PPHLN1: variants seen among roughly 807,000 people sequenced by gnomAD.
PPHLN1 encodes the protein periphilin 1.
A neutral mutation model predicts 51.3 loss-of-function variants in PPHLN1; 29 were observed. The observed-to-expected ratio is 0.57, with a 90% CI of 0.42 to 0.77. PPHLN1 has a LOEUF of 0.77. Among genes scored for constraint, PPHLN1 ranks in the 30% least tolerant of loss-of-function variants. The pLI, the probability that PPHLN1 is intolerant of heterozygous loss-of-function variation, is 0.00. For missense variants in PPHLN1, 436 were observed against 438.4 expected, an observed-to-expected ratio of 0.99 and a Z score of 0.05; for synonymous variants, 147 against 147.8, an observed-to-expected ratio of 0.99 and a Z score of 0.04.
chr12:42,389,026 C>G (rs894116820), intron 7 of PPHLN1, among the ~76,000 whole-genome samples: 14 of 152,110 alleles, frequency 9.2e-5, no homozygotes, highest in African/African-American at 3.4e-4. Context: ...ATCATGAGGT[C>G]AGGAGGTCGA....
chr12:42,375,226 A>G, intron 5 of PPHLN1, 152 bp downstream of exon 5: 1 of 591,442 alleles, frequency 1.7e-6, no homozygotes, highest in Non-Finnish European at 2.9e-6. Context: ...AGAATAGTAT[A>G]ACAAACACCA....
chr12:42,352,968 A>G (rs2073568146), intron 3 of PPHLN1, among the ~76,000 whole-genome samples: 1 of 152,002 alleles, frequency 6.6e-6, no homozygotes, highest in African/African-American at 2.4e-5. Flanking sequence ...GGGTGCCTGT[A>G]ATCCCAGCTA....
intron 9 of PPHLN1, among the ~76,000 whole-genome samples, chr12:42,404,754 G>T (rs1257841973): frequency 6.6e-6 from 1 of 152,132 alleles, no homozygotes; most frequent in East Asian, 1.9e-4. Context: ...TTGCAGCCGG[G>T]TATGGTGGCT....
intron 1 of PPHLN1, among the ~76,000 whole-genome samples, chr12:42,334,980 T>G (rs2070368853): frequency 6.6e-6 from 1 of 152,232 alleles, no homozygotes; most frequent in African/African-American, 2.4e-5. Flanking sequence ...AATATTTGTC[T>G]GATCTTTTGA....
chr12:42,442,732 T>C (rs143861840), downstream of PPHLN1: 14 of 1,613,198 alleles, frequency 8.7e-6, no homozygotes, highest in East Asian at 2.2e-4. Context: ...GCGAAGAGAC[T>C]GCGCAGTCAG....
downstream of PPHLN1, chr12:42,446,134 G>C (rs2083307936): frequency 6.3e-7 from 1 of 1,578,052 alleles, no homozygotes; most frequent in South Asian, 1.1e-5. Flanking sequence ...GGACGACACA[G>C]CTTCGTCGGA....
intron 4 of PPHLN1, among the ~76,000 whole-genome samples, chr12:42,369,465 A>G (rs2138648723): frequency 6.6e-6 from 1 of 152,244 alleles, no homozygotes; most frequent in African/African-American, 2.4e-5. Flanking sequence ...CAAACCTTTT[A>G]CTGGTTTAAT....
At chr12:42,400,792 T>A (rs1437361405) in intron 9 of PPHLN1, among the ~76,000 whole-genome samples, 6 of 134,402 alleles carry the variant, frequency 4.5e-5, no homozygotes, top group African/African-American at 1.7e-4. Context: ...TCTCTCTCTC[T>A]CTCTTTCACA....
chr12:42,415,399 CTGACCTCA>C (rs2080280793), intron 9 of PPHLN1, among the ~76,000 whole-genome samples: 1 of 152,202 alleles, frequency 6.6e-6, no homozygotes. Flanking sequence ...CTTGGAACTC[CTGACCTCA>C]TGATTCACCC....
chr12:42,406,848 G>A (rs911043263), intron 9 of PPHLN1, among the ~76,000 whole-genome samples: 1 of 151,894 alleles, frequency 6.6e-6, no homozygotes, highest in African/African-American at 2.4e-5. Flanking sequence ...TTTACATTGA[G>A]TTATAGTCAT....
At chr12:42,354,399 G>C (rs2073799370) in intron 3 of PPHLN1, among the ~76,000 whole-genome samples, 1 of 151,566 alleles carries the variant, frequency 6.6e-6, no homozygotes, top group South Asian at 2.1e-4. Context: ...TTGTAGAGAT[G>C]GGGTTTCACC....
At chr12:42,351,738 GTTATAT>G in intron 2 of PPHLN1, 141 bp from the exon 3 acceptor site, 1 of 548,100 alleles carries the variant, frequency 1.8e-6, no homozygotes, top group Non-Finnish European at 2.9e-6. Flanking sequence ...CTTAGTATTA[GTTATAT>G]TTATGTTATT....
chr12:42,383,983 CAAAAA>C (rs61016692), intron 5 of PPHLN1, among the ~76,000 whole-genome samples: 36 of 51,630 alleles, frequency 7.0e-4, no homozygotes, highest in Admixed American at 1.3e-3. Context: ...GACTGTGTCT[CAAAAA>C]AAAAAAAAAA....
At chr12:42,440,616 A>G (rs1158068168) in intron 9 of PPHLN1, among the ~76,000 whole-genome samples, 1 of 152,248 alleles carries the variant, frequency 6.6e-6, no homozygotes, top group African/African-American at 2.4e-5. Context: ...CCAAATCAGA[A>G]TGTCTGCAGG....
intron 2 of PPHLN1, among the ~76,000 whole-genome samples, chr12:42,344,564 A>G (rs908254182): frequency 1.3e-5 from 2 of 152,202 alleles, no homozygotes; most frequent in East Asian, 1.9e-4. Flanking sequence ...TTACTTTTAT[A>G]TTAATACTTT....
chr12:42,388,126 C>T (rs940668368), intron 7 of PPHLN1, among the ~76,000 whole-genome samples: 5 of 152,116 alleles, frequency 3.3e-5, no homozygotes, highest in Non-Finnish European at 5.9e-5. Context: ...ATCCCCCAGC[C>T]CAACACCCGT....
intron 8 of PPHLN1, among the ~76,000 whole-genome samples, chr12:42,395,559 C>T (rs554946082): frequency 1.3e-5 from 2 of 152,224 alleles, no homozygotes; most frequent in South Asian, 4.1e-4. Context: ...AATAGTTACT[C>T]ATTTCAGTGG....
In PPHLN1 at chr12:42,441,804, G is replaced by C; in HGVS notation, c.*295G>C. The C allele has an allele frequency of 9.0e-7, 1 of 1,105,570 alleles. No homozygotes were observed. Among genetic ancestry groups the C allele is most frequent in the East Asian group, 5.6e-5 (1 of 17,844 alleles). 68.5% of individuals were successfully genotyped at this position (1,105,570 alleles called of 1,614,324 possible). A position where few individuals can be genotyped will look rare whatever the true frequency, so the allele number is the denominator to read the frequency against. The stretch of plus-strand genomic sequence containing the variant: ...CAAAGTGTTGAGATTACAGGCGTGA[G>C]CCACCGCTCCCTGCCCAACACATAT... On this transcript the variant is annotated 3_prime_UTR_variant, in exon 10 of 10. Transcript: ENST00000358314.
intron 1 of PPHLN1, among the ~76,000 whole-genome samples, chr12:42,331,413 G>T (rs2069712702): frequency 6.6e-6 from 1 of 152,136 alleles, no homozygotes; most frequent in African/African-American, 2.4e-5. Context: ...TTTGACAGAA[G>T]GATATTGCCT....
Sources: gnomAD v4.1 joint callset for allele counts (sites outside exome capture counted in the v4.1 genomes callset) on GRCh38, gnomAD v4.1.1 for gene constraint, MANE v1.5 for transcripts, NCBI Gene and HGNC (gene_info 2026-07-23, HGNC 2026-07-21) for gene names.